The following KCND2 variants were observed in gnomAD, a reference collection of about 807,000 sequenced individuals.
The protein encoded by KCND2 is potassium voltage-gated channel subfamily D member 2, also known as A-type voltage-gated potassium channel KCND2.
KCND2 carries 16 observed loss-of-function variants against 54.4 expected under a neutral mutation model. The observed-to-expected ratio is 0.29, with a 90% CI of 0.20 to 0.45. The LOEUF (loss-of-function observed/expected upper bound fraction) is 0.45. Ranked by LOEUF, KCND2 falls within the 20% of genes least tolerant of loss-of-function variation. The pLI, the probability that KCND2 is intolerant of heterozygous loss-of-function variation, is 1.00. For missense variants in KCND2, 486 were observed against 824.2 expected (o/e 0.59, Z 5.02); for synonymous variants, 317 against 310.7 (o/e 1.02, Z -0.21).
intron 1 of KCND2, among the ~76,000 whole-genome samples, chr7:120,340,552 T>G (rs981064549): frequency 6.6e-6 from 1 of 152,164 alleles, no homozygotes; most frequent in African/African-American, 2.4e-5. Flanking sequence ...GATAATAACG[T>G]GGTTAGAAGA....
chr7:120,599,423 G>A (rs1792787376), intron 1 of KCND2, among the ~76,000 whole-genome samples: 1 of 152,020 alleles, frequency 6.6e-6, no homozygotes, highest in African/African-American at 2.4e-5. Flanking sequence ...GGCTTGGGGA[G>A]TTGGTATTTT....
chr7:120,348,768 C>G (rs558138024), intron 1 of KCND2, among the ~76,000 whole-genome samples: 1 of 152,208 alleles, frequency 6.6e-6, no homozygotes, highest in Admixed American at 6.5e-5. Context: ...TTATTCATAT[C>G]TTTACTTTTA....
At chr7:120,571,602 C>T (rs1272179579) in intron 1 of KCND2, among the ~76,000 whole-genome samples, 2 of 152,152 alleles carry the variant, frequency 1.3e-5, no homozygotes, top group Admixed American at 1.3e-4. Flanking sequence ...TTACATAAAG[C>T]ATCAAAGCAA....
chr7:120,568,293 T>C (rs1485408408), intron 1 of KCND2, among the ~76,000 whole-genome samples: 1 of 152,132 alleles, frequency 6.6e-6, no homozygotes, highest in Non-Finnish European at 1.5e-5. Context: ...TTAAAAATTA[T>C]TGGACCCTGG....
At chr7:120,604,430 G>A (rs1009928256) in intron 1 of KCND2, among the ~76,000 whole-genome samples, 13 of 150,936 alleles carry the variant, frequency 8.6e-5, no homozygotes, top group African/African-American at 3.2e-4. Context: ...CCCGGGGCGG[G>A]CAGTGGAGGT....
chr7:120,540,660 T>C (rs79046411), intron 1 of KCND2, among the ~76,000 whole-genome samples: 4,216 of 152,286 alleles, frequency 0.028, 88 homozygotes, highest in Non-Finnish European at 0.046. Context: ...AGAGAAGTGG[T>C]ACCCAAGGAA....
At chr7:120,556,114 A>T (rs12706290) in intron 1 of KCND2, among the ~76,000 whole-genome samples, 105,239 of 151,988 alleles carry the variant, frequency 0.69, 38,825 homozygotes, top group Middle Eastern at 0.88. Context: ...CTATGCCATC[A>T]TCTTGTGTAT....
chr7:120,657,338 G>A (rs745681055), intron 1 of KCND2, among the ~76,000 whole-genome samples: 2 of 152,046 alleles, frequency 1.3e-5, no homozygotes, highest in Non-Finnish European at 2.9e-5. Flanking sequence ...CGTGAAAACA[G>A]GCATTGATAT....
At chr7:120,544,356 T>C (rs1437157461) in intron 1 of KCND2, among the ~76,000 whole-genome samples, 9 of 151,968 alleles carry the variant, frequency 5.9e-5, no homozygotes, top group Non-Finnish European at 1.5e-5. Context: ...TACATAGTTT[T>C]GAGCAAAGAT....
At chr7:120,420,072 C>T (rs1801589947) in intron 1 of KCND2, among the ~76,000 whole-genome samples, 1 of 149,864 alleles carries the variant, frequency 6.7e-6, no homozygotes, top group African/African-American at 2.4e-5. Flanking sequence ...CTCTGAATTT[C>T]CTAGTTTCTA....
chr7:120,741,668 C>A (rs372791161), intron 3 of KCND2, 39 bp downstream of exon 3: 28 of 1,403,368 alleles, frequency 2.0e-5, no homozygotes, highest in Non-Finnish European at 2.5e-5. Flanking sequence ...TGTTCAATTT[C>A]TTGGTTTAAT....
At chr7:120,614,167 C>G (rs946583421) in intron 1 of KCND2, among the ~76,000 whole-genome samples, 3 of 152,072 alleles carry the variant, frequency 2.0e-5, no homozygotes, top group Non-Finnish European at 4.4e-5. Flanking sequence ...TGCCCGCCAC[C>G]ACGCCCAGCT....
At chr7:120,403,219 G>C (rs1801291446) in intron 1 of KCND2, among the ~76,000 whole-genome samples, 1 of 152,052 alleles carries the variant, frequency 6.6e-6, no homozygotes, top group Admixed American at 6.6e-5. Context: ...TGAGAGAAGA[G>C]GATACTCTTC....
rs953549341 is a variant in KCND2, at chr7:120,476,425, C to T, written c.1115+200678C>T. On this transcript the variant is annotated intron_variant, in intron 1 of 5. Coordinates refer to ENST00000331113, the MANE Select transcript of KCND2 (RefSeq NM_012281.3). Reference sequence around the variant, plus strand: ...TCCAGAGTCAATAACAGTGATTGGCCTAGAAAGGCACTTTCAAATACATGT... The same window carrying T: ...TCCAGAGTCAATAACAGTGATTGGCTTAGAAAGGCACTTTCAAATACATGT... 4.6e-5 allele frequency among the ~76,000 whole-genome samples: 7 copies of T among 152,142 alleles called. No homozygotes were observed. In the East Asian group the frequency reaches 1.3e-3, roughly 29 times the overall value.
At chr7:120,737,058 ACACACACACACACACAC>A (rs1792879931) in intron 2 of KCND2, among the ~76,000 whole-genome samples, 6 of 144,938 alleles carry the variant, frequency 4.1e-5, no homozygotes, top group African/African-American at 1.3e-4. Flanking sequence ...ACACACACAC[ACACACACACACACACAC>A]AAACAAAAAA....
intron 1 of KCND2, among the ~76,000 whole-genome samples, chr7:120,545,564 A>G (rs576640547): frequency 6.6e-6 from 1 of 151,916 alleles, no homozygotes; most frequent in South Asian, 2.1e-4. Context: ...AATTGGAACA[A>G]TCTCTGTGAT....
intron 1 of KCND2, among the ~76,000 whole-genome samples, chr7:120,680,131 A>T (rs557127347): frequency 1.2e-4 from 18 of 152,266 alleles, no homozygotes; most frequent in African/African-American, 4.3e-4. Context: ...AACAACAGTC[A>T]CCATCTACCA....
chr7:120,585,525 G>A (rs577347960), intron 1 of KCND2, among the ~76,000 whole-genome samples: 1 of 152,248 alleles, frequency 6.6e-6, no homozygotes, highest in African/African-American at 2.4e-5. Context: ...AGTAGAGAAA[G>A]CATGGGTCTG....
At chr7:120,285,269 G>C (rs1356260954) in intron 1 of KCND2, among the ~76,000 whole-genome samples, 2 of 151,958 alleles carry the variant, frequency 1.3e-5, no homozygotes, top group Non-Finnish European at 2.9e-5. Context: ...ACATATCATA[G>C]CCAATAATAT....
Sources: allele counts gnomAD v4.1 joint callset (sites outside exome capture counted in the v4.1 genomes callset), GRCh38; gene constraint gnomAD v4.1.1; transcripts MANE v1.5; gene names NCBI Gene and HGNC (gene_info 2026-07-23, HGNC 2026-07-21).